The following ARHGAP35 variants were observed in gnomAD, a reference collection of about 807,000 sequenced individuals.
The protein encoded by ARHGAP35 is Rho GTPase activating protein 35.
A neutral mutation model predicts 111.1 loss-of-function variants in ARHGAP35; 15 were observed. That is an observed-to-expected ratio of 0.13 (90% confidence interval 0.09 to 0.21). ARHGAP35 has a LOEUF of 0.21. ARHGAP35 is among the 10% of genes least tolerant of loss of function. ARHGAP35 has a pLI of 1.00. For synonymous variants in ARHGAP35, 643 were observed against 710.3 expected (o/e 0.91, Z 1.51); for missense variants, 1,262 against 1,873.0 (o/e 0.67, Z 6.02).
chr19:46,904,849 C>T (rs192129495), intron 1 of ARHGAP35, among the ~76,000 whole-genome samples: 262 of 152,254 alleles, frequency 1.7e-3, no homozygotes, highest in Non-Finnish European at 2.4e-3. Context: ...CTGTCTTTAG[C>T]GTGTCAGGAC....
chr19:46,919,352 T>G lies in ARHGAP35; in HGVS notation c.677T>G (p.Val226Gly). Reference sequence around the variant, plus strand: ...TTAAGCAAAAAGAACCTCCAGGTTGTGGAGACCTCAGCGAGATCCAATGTA... The same window carrying G: ...TTAAGCAAAAAGAACCTCCAGGTTGGGGAGACCTCAGCGAGATCCAATGTA... ...FALSKKNLQVVETSARSNVNV... is the reference protein window; with the variant it reads ...FALSKKNLQVGETSARSNVNV... The change falls in exon 2 of 7, where the codon GTG (valine) becomes GGG (glycine). Residue 226 changes from valine to glycine, a missense_variant. By Grantham distance (109) the Val-to-Gly change is moderately radical (BLOSUM62 -3). Transcript: ENST00000672722. The surrounding 1 kb of genome is among the most constrained non-coding windows in gnomAD (Gnocchi z 6.2). The G allele has an allele frequency of 6.2e-7, 1 of 1,614,020 alleles. No homozygotes were observed. Among genetic ancestry groups the G allele is most frequent in the Non-Finnish European group, 8.5e-7 (1 of 1,179,888 alleles).
intron 3 of ARHGAP35, among the ~76,000 whole-genome samples, chr19:46,981,240 GAA>G (rs1315657612): frequency 6.6e-6 from 1 of 152,158 alleles, no homozygotes; most frequent in African/African-American, 2.4e-5. Context: ...ATGTGTAAAA[GAA>G]AAAGGGAATG....
intron 3 of ARHGAP35, among the ~76,000 whole-genome samples, chr19:46,963,004 G>A (rs1390440611): frequency 6.6e-6 from 1 of 152,064 alleles, no homozygotes; most frequent in Non-Finnish European, 1.5e-5. Context: ...GCCTATTTCA[G>A]AAAATTTTAT....
rs768354249 is a variant in ARHGAP35 at position 46,989,702 on chromosome 19, C to G, written c.4036+27C>G. 6.6e-5 allele frequency: 107 copies of G among 1,612,744 alleles called. No homozygotes were observed. In the South Asian group the frequency reaches 1.1e-3, roughly 16 times the overall value. On this transcript the variant is annotated intron_variant, in intron 5 of 6. Coordinates refer to ENST00000672722, the MANE Select transcript of ARHGAP35 (RefSeq NM_004491.5). The surrounding 1 kb of genome is among the most constrained non-coding windows in gnomAD (Gnocchi z 5.3). Reference sequence around the variant, plus strand: ...TGAGTACCGGCAGCCCAGTGTTGGGCGGATTGAGGGAGAAAGGGCTTGGCA... The same window carrying G: ...TGAGTACCGGCAGCCCAGTGTTGGGGGGATTGAGGGAGAAAGGGCTTGGCA...
Position 46,998,073 on chromosome 19 carries a change from G to A in ARHGAP35, c.4037-1231G>A, listed in dbSNP as rs1490845196. ...GCCGACATCGCACCACTGCACTCCA[G>A]CCTGGGTGACAGAGTGAGACTCCGT... On this transcript the variant is annotated intron_variant, in intron 5 of 6. Coordinates refer to ENST00000672722, the MANE Select transcript of ARHGAP35 (RefSeq NM_004491.5). 3.3e-5 allele frequency among the ~76,000 whole-genome samples: 5 copies of A among 152,038 alleles called. No individual in the cohort carries two copies. In the East Asian group the frequency reaches 9.7e-4, roughly 29 times the overall value.
chr19:46,970,888 G>A (rs1406204912), intron 3 of ARHGAP35, among the ~76,000 whole-genome samples: 1 of 152,154 alleles, frequency 6.6e-6, no homozygotes, highest in Non-Finnish European at 1.5e-5. Flanking sequence ...ACAGGAGACT[G>A]CATAGCTTCC....
intron 1 of ARHGAP35, among the ~76,000 whole-genome samples, chr19:46,896,687 C>G (rs565716525): frequency 3.3e-5 from 5 of 152,220 alleles, no homozygotes; most frequent in Admixed American, 1.3e-4. Context: ...CATACTAAGC[C>G]GGGTGATCTT....
intron 1 of ARHGAP35, among the ~76,000 whole-genome samples, chr19:46,883,291 G>C (rs917429470): frequency 6.6e-6 from 1 of 151,722 alleles, no homozygotes; most frequent in East Asian, 1.9e-4. Flanking sequence ...GTAGAGACAG[G>C]GTTTCGCCAT....
At chr19:46,947,482 G>A (rs1203000057) in intron 3 of ARHGAP35, 1 of 152,148 alleles carries the variant, frequency 6.6e-6, no homozygotes, top group African/African-American at 2.4e-5. Context: ...AAGTTAAATA[G>A]ATCCTTTTAT....
chr19:46,863,460 G>A (rs571939237), intron 1 of ARHGAP35, among the ~76,000 whole-genome samples: 1 of 152,208 alleles, frequency 6.6e-6, no homozygotes, highest in East Asian at 1.9e-4. Context: ...TCTTTCCTCT[G>A]CTGTTTGCTC....
At position 46,919,086 on chromosome 19, in the gene ARHGAP35, C is replaced by T. The variant is rs368641937; in HGVS notation, c.411C>T (p.Asp137=). The change falls in exon 2 of 7, where the codon GAC becomes GAT. Residue 137 remains aspartate, a synonymous_variant. Coordinates refer to ENST00000672722, the MANE Select transcript of ARHGAP35 (RefSeq NM_004491.5). This position sits in a 1 kb window ranked among gnomAD's most constrained non-coding sequence, Gnocchi z 6.2. ...SAEKLMYFCT[D]QLGLEQDFEQ... Reference sequence around the variant, plus strand: ...AAAAACTCATGTACTTTTGCACTGACCAGCTGGGGCTGGAGCAGGACTTTG... The same window carrying T: ...AAAAACTCATGTACTTTTGCACTGATCAGCTGGGGCTGGAGCAGGACTTTG... 2.7e-4 allele frequency: 430 copies of T among 1,614,006 alleles called. 1 individual carries two copies. Among genetic ancestry groups the T allele is most frequent in the Non-Finnish European group, 3.4e-4 (407 of 1,179,890 alleles).
intron 3 of ARHGAP35, among the ~76,000 whole-genome samples, chr19:46,955,796 T>TA (rs931853676): frequency 2.5e-3 from 374 of 152,294 alleles, no homozygotes; most frequent in African/African-American, 8.8e-3. Context: ...ATTTCCTTTT[T>TA]AAAAAATGGT....
chr19:46,889,544 G>A (rs922358390), intron 1 of ARHGAP35, among the ~76,000 whole-genome samples: 5 of 152,042 alleles, frequency 3.3e-5, no homozygotes, highest in Admixed American at 6.6e-5. Context: ...CGCCTTAGGT[G>A]GTATACATAG....
intron 2 of ARHGAP35, among the ~76,000 whole-genome samples, chr19:46,930,195 C>A (rs140228638): frequency 6.6e-6 from 1 of 151,784 alleles, no homozygotes; most frequent in South Asian, 2.1e-4. Flanking sequence ...GGCAAAACTC[C>A]GTCTCTACAA....
rs1242984004 is a variant in ARHGAP35, at chr19:46,901,798, T to C, written c.-188-16690T>C. On this transcript the variant is annotated intron_variant, in intron 1 of 6. Transcript: ENST00000672722. The surrounding 1 kb of genome is among the most constrained non-coding windows in gnomAD (Gnocchi z 4.5). ...TAGGTTATCATTAGCCCCTAGAGAC[T>C]TACCTGTCTCCTTGAAGAACATCAT... Among the ~76,000 whole-genome samples the C allele has an allele frequency of 6.6e-6, 1 of 152,180 alleles. No homozygotes were observed. Among genetic ancestry groups the C allele is most frequent in the Non-Finnish European group, 1.5e-5 (1 of 68,034 alleles).
chr19:46,962,039 G>A (rs1315988391), intron 3 of ARHGAP35, among the ~76,000 whole-genome samples: 17 of 152,152 alleles, frequency 1.1e-4, no homozygotes, highest in African/African-American at 3.4e-4. Context: ...TGGGGAGGGA[G>A]TAGAGGCTGG....
In ARHGAP35 at chr19:46,902,294, C is replaced by T. The variant is rs144765102; in HGVS notation, c.-188-16194C>T. 2.2e-4 allele frequency among the ~76,000 whole-genome samples: 33 copies of T among 152,266 alleles called. 1 individual carries two copies. The highest frequency in any genetic ancestry group is 4.3e-4 in the Non-Finnish European group (29 of 68,008). The stretch of plus-strand genomic sequence containing the variant: ...TTAGTTGGGTACTTAGCATTCTTGG[C>T]ATTCTTATGGAATGATACAGGTTTA... On this transcript the variant is annotated intron_variant, in intron 1 of 6. Coordinates refer to ENST00000672722, the MANE Select transcript of ARHGAP35 (RefSeq NM_004491.5).
chr19:46,971,534 C>G (rs1281959697), intron 3 of ARHGAP35, among the ~76,000 whole-genome samples: 1 of 150,860 alleles, frequency 6.6e-6, no homozygotes, highest in Non-Finnish European at 1.5e-5. Flanking sequence ...GAGTCTTGCT[C>G]TGTCACCCAG....
At chr19:46,905,001 C>T (rs1289538920) in intron 1 of ARHGAP35, among the ~76,000 whole-genome samples, 2 of 152,196 alleles carry the variant, frequency 1.3e-5, no homozygotes, top group East Asian at 3.8e-4. Context: ...ACTGGGGTTC[C>T]TGTCTATCTA....
Sources: gnomAD v4.1 joint callset for allele counts (sites outside exome capture counted in the v4.1 genomes callset) on GRCh38, gnomAD v4.1.1 for gene constraint, Gnocchi (gnomAD v3.1) non-coding constraint, MANE v1.5 for transcripts, NCBI Gene and HGNC (gene_info 2026-07-23, HGNC 2026-07-21) for gene names.